The following RIC8B variants were observed in gnomAD, a reference collection of about 807,000 sequenced individuals.
The protein encoded by RIC8B is RIC8 guanine nucleotide exchange factor B, also known as chaperone Ric-8B.
RIC8B carries 16 observed loss-of-function variants against 57.5 expected under a neutral mutation model. That is an observed-to-expected ratio of 0.28 (90% CI 0.19 to 0.42). The LOEUF (loss-of-function observed/expected upper bound fraction) is 0.42, where lower values mean the gene tolerates loss of function less well. Ranked by LOEUF, RIC8B falls within the 10% of genes least tolerant of loss-of-function variation. RIC8B has a pLI of 1.00. For synonymous variants in RIC8B, 216 were observed against 250.8 expected (o/e 0.86, Z 1.31); for missense variants, 481 against 677.0 (o/e 0.71, Z 3.21).
chr12:106,843,248 C>T (rs772790545), intron 5 of RIC8B, among the ~76,000 whole-genome samples: 1 of 152,136 alleles, frequency 6.6e-6, no homozygotes, highest in African/African-American at 2.4e-5. Flanking sequence ...TATACATTCT[C>T]TGGTCTATCA....
At chr12:106,818,355 G>A (rs183661360) in intron 3 of RIC8B, among the ~76,000 whole-genome samples, 75 of 152,148 alleles carry the variant, frequency 4.9e-4, no homozygotes, top group Middle Eastern at 3.4e-3. Context: ...TGGTAGAGAC[G>A]GGGTTTTACC....
chr12:106,874,999 GAAAA>G (rs1950599849), intron 9 of RIC8B, among the ~76,000 whole-genome samples: 1 of 152,082 alleles, frequency 6.6e-6, no homozygotes, highest in Non-Finnish European at 1.5e-5. Flanking sequence ...ATGAAATAAT[GAAAA>G]TAGCTGATCC....
At chr12:106,877,473 T>A (rs1950721015) in intron 9 of RIC8B, among the ~76,000 whole-genome samples, 1 of 152,194 alleles carries the variant, frequency 6.6e-6, no homozygotes, top group African/African-American at 2.4e-5. Context: ...CATGCATTAC[T>A]GCTTTTTCAT....
At chr12:106,864,472 A>G (rs920949702) in intron 8 of RIC8B, among the ~76,000 whole-genome samples, 17 of 151,922 alleles carry the variant, frequency 1.1e-4, no homozygotes, top group Non-Finnish European at 1.2e-4. Flanking sequence ...AATCTTCACA[A>G]CAATCCTTTG....
At chr12:106,807,513 C>A (rs2045098154) in intron 2 of RIC8B, among the ~76,000 whole-genome samples, 1 of 152,128 alleles carries the variant, frequency 6.6e-6, no homozygotes, top group African/African-American at 2.4e-5. Context: ...GAAGTCATAC[C>A]CACTGTCTTC....
intron 5 of RIC8B, 47 bp downstream of exon 5, chr12:106,842,864 G>A (rs1022494448): frequency 8.3e-7 from 1 of 1,197,842 alleles, no homozygotes; most frequent in Non-Finnish European, 1.2e-6. Flanking sequence ...TCCAAAGAAT[G>A]TAAATGTGCC....
intron 2 of RIC8B, among the ~76,000 whole-genome samples, chr12:106,786,141 ATTTTTTTTTTTTTTT>A (rs893618675): frequency 1.2e-4 from 9 of 73,926 alleles, no homozygotes; most frequent in African/African-American, 5.0e-4. Flanking sequence ...CCCAAGGTGT[ATTTTTTTTTTTTTTT>A]TTTTTTTTTT....
rs1038107612 is a variant in RIC8B at position 106,851,501 on chromosome 12, G to A, written c.1213G>A (p.Val405Met). ...VTNRPEVGST[V>M]RNKLVRLMTH... ...AAATCGACCTGAAGTTGGCTCAACT[G>A]TGAGAAATAAGCTGGTGCGCCTCAT... The change falls in exon 7 of 10, where the codon GTG becomes ATG. Residue 405 changes from valine (V) to methionine (M), a missense_variant. Physicochemically the swap from Val to Met is conservative, Grantham distance 21 (BLOSUM62 1). Transcript: ENST00000392837. 1.9e-6 allele frequency: 3 copies of A among 1,613,684 alleles called. No homozygotes were observed. Among genetic ancestry groups the A allele is most frequent in the African/African-American group, 1.3e-5 (1 of 74,886 alleles).
At chr12:106,823,928 C>T (rs1385610300) in intron 3 of RIC8B, among the ~76,000 whole-genome samples, 1 of 152,158 alleles carries the variant, frequency 6.6e-6, no homozygotes, top group Non-Finnish European at 1.5e-5. Context: ...TCAGGTGATC[C>T]ACCCGCCTCG....
intron 2 of RIC8B, among the ~76,000 whole-genome samples, chr12:106,809,471 C>T (rs1243546591): frequency 6.9e-6 from 1 of 145,968 alleles, no homozygotes; most frequent in African/African-American, 2.6e-5. Flanking sequence ...TACAGTGAGC[C>T]GAGATTGTGC....
intron 3 of RIC8B, among the ~76,000 whole-genome samples, chr12:106,823,646 A>G (rs964494563): frequency 6.6e-6 from 1 of 152,102 alleles, no homozygotes; most frequent in Non-Finnish European, 1.5e-5. Context: ...GAGTTAAGTA[A>G]TGAATGCATT....
chr12:106,868,764 T>G (rs1950247373), intron 8 of RIC8B, among the ~76,000 whole-genome samples: 1 of 96,124 alleles, frequency 1.0e-5, no homozygotes, highest in South Asian at 4.3e-4. Flanking sequence ...GCAGGCACTC[T>G]AGACACACAC....
intron 6 of RIC8B, among the ~76,000 whole-genome samples, chr12:106,844,982 C>A (rs1017847584): frequency 2.0e-5 from 3 of 152,204 alleles, no homozygotes; most frequent in Non-Finnish European, 4.4e-5. Flanking sequence ...CTCAATCCAA[C>A]ATTCTTTCTT....
chr12:106,809,002 T>C (rs1033098851), intron 2 of RIC8B, among the ~76,000 whole-genome samples: 4 of 152,164 alleles, frequency 2.6e-5, no homozygotes, highest in African/African-American at 9.7e-5. Flanking sequence ...CCTACTATTC[T>C]GGAGCTCAAA....
intron 9 of RIC8B, among the ~76,000 whole-genome samples, chr12:106,884,053 C>T (rs919171710): frequency 6.6e-6 from 1 of 152,194 alleles, no homozygotes; most frequent in Non-Finnish European, 1.5e-5. Flanking sequence ...ATTCAGAGCT[C>T]TTTACAGTCT....
At chr12:106,817,669 CA>C (rs1251592784) in intron 3 of RIC8B, among the ~76,000 whole-genome samples, 1 of 151,436 alleles carries the variant, frequency 6.6e-6, no homozygotes, top group Non-Finnish European at 1.5e-5. Context: ...AAAAAAAATA[CA>C]AAAAATTAGC....
At chr12:106,820,662 A>G (rs956806928) in intron 3 of RIC8B, among the ~76,000 whole-genome samples, 9 of 152,220 alleles carry the variant, frequency 5.9e-5, no homozygotes, top group African/African-American at 1.7e-4. Context: ...CCCAGTGCAC[A>G]CAGAGAAGTA....
chr12:106,801,761 C>T (rs1400739190), intron 2 of RIC8B, among the ~76,000 whole-genome samples: 6 of 152,150 alleles, frequency 3.9e-5, no homozygotes, highest in African/African-American at 1.2e-4. Flanking sequence ...AAAATTCTGG[C>T]AATAAGTCAT....
At chr12:106,853,254 A>T (rs1949553389) in intron 7 of RIC8B, among the ~76,000 whole-genome samples, 1 of 151,796 alleles carries the variant, frequency 6.6e-6, no homozygotes, top group Admixed American at 6.6e-5. Context: ...ATGTAATCAC[A>T]TTACCGATGA....
Sources: allele counts gnomAD v4.1 joint callset (sites outside exome capture counted in the v4.1 genomes callset), GRCh38; gene constraint gnomAD v4.1.1; transcripts MANE v1.5; gene names NCBI Gene and HGNC (gene_info 2026-07-23, HGNC 2026-07-21).